Variants in CPQ observed in about 807,000 individuals in gnomAD.
The protein encoded by CPQ is carboxypeptidase Q.
In CPQ, 37 loss-of-function variants were observed where a neutral mutation model predicts 45.7. The observed-to-expected ratio is 0.81, with a 90% CI of 0.62 to 1.07. The LOEUF (loss-of-function observed/expected upper bound fraction) is 1.07. CPQ is among the 50% of genes least tolerant of loss of function. The probability of loss-of-function intolerance (pLI) is 0.00; values close to 1 mark genes in which losing one functional copy is unlikely to be tolerated. For synonymous variants in CPQ, 186 were observed against 205.8 expected (o/e 0.90, Z 0.82); for missense variants, 537 against 572.9 (o/e 0.94, Z 0.64).
intron 6 of CPQ, among the ~76,000 whole-genome samples, chr8:97,064,514 A>G (rs976521899): frequency 6.6e-5 from 10 of 152,208 alleles, no homozygotes; most frequent in African/African-American, 1.2e-4. Flanking sequence ...GAAAATCACC[A>G]TGAAGACAAG....
chr8:97,108,183 T>G (rs943572742), intron 7 of CPQ, among the ~76,000 whole-genome samples: 1 of 152,236 alleles, frequency 6.6e-6, no homozygotes. Context: ...TTTTTAAGTA[T>G]ATAAAGTACT....
At chr8:96,649,978 T>A (rs528134053) in intron 1 of CPQ, among the ~76,000 whole-genome samples, 1 of 152,228 alleles carries the variant, frequency 6.6e-6, no homozygotes, top group African/African-American at 2.4e-5. Flanking sequence ...GGAACAAAGA[T>A]AAGGAAATGG....
intron 5 of CPQ, among the ~76,000 whole-genome samples, chr8:97,014,259 T>A (rs915385084): frequency 1.3e-5 from 2 of 152,190 alleles, no homozygotes; most frequent in African/African-American, 2.4e-5. Flanking sequence ...ATTTGCATGG[T>A]GAGATTTTCC....
At chr8:96,957,286 TA>T (rs1282571742) in intron 4 of CPQ, among the ~76,000 whole-genome samples, 4 of 152,146 alleles carry the variant, frequency 2.6e-5, no homozygotes, top group African/African-American at 7.2e-5. Context: ...AACTTTCATT[TA>T]AACTGCACAG....
intron 1 of CPQ, among the ~76,000 whole-genome samples, chr8:96,745,627 C>T (rs963309145): frequency 6.6e-6 from 1 of 152,156 alleles, no homozygotes; most frequent in Non-Finnish European, 1.5e-5. Context: ...AAAGAAGATA[C>T]TTGAAGTCAA....
intron 6 of CPQ, among the ~76,000 whole-genome samples, chr8:97,045,297 C>T (rs189425645): frequency 3.9e-4 from 60 of 152,310 alleles, no homozygotes; most frequent in Non-Finnish European, 6.8e-4. Flanking sequence ...AAGCCATGTG[C>T]GGGATATAAT....
chr8:96,946,455 A>T (rs1813189803), intron 4 of CPQ, among the ~76,000 whole-genome samples: 1 of 151,586 alleles, frequency 6.6e-6, no homozygotes, highest in Non-Finnish European at 1.5e-5. Flanking sequence ...TTAATTTTCT[A>T]TTTTTTTATT....
intron 1 of CPQ, among the ~76,000 whole-genome samples, chr8:96,749,374 C>G (rs1810230489): frequency 1.3e-5 from 2 of 152,154 alleles, no homozygotes; most frequent in South Asian, 4.1e-4. Context: ...GTGATGATGG[C>G]TGTTTGAAAA....
chr8:96,905,647 A>C (rs1361907090), intron 4 of CPQ, among the ~76,000 whole-genome samples: 2 of 152,004 alleles, frequency 1.3e-5, no homozygotes, highest in African/African-American at 4.8e-5. Context: ...TCTCCCAGCT[A>C]AGAAAAGCTT....
intron 4 of CPQ, among the ~76,000 whole-genome samples, chr8:96,891,463 T>C (rs770041700): frequency 6.6e-6 from 1 of 152,176 alleles, no homozygotes; most frequent in South Asian, 2.1e-4. Context: ...TGGAAGCCCA[T>C]GTTGCTGAGC....
chr8:97,073,975 C>T (rs968113630), intron 7 of CPQ, among the ~76,000 whole-genome samples: 3 of 152,192 alleles, frequency 2.0e-5, no homozygotes, highest in Non-Finnish European at 4.4e-5. Flanking sequence ...GCTCTTCCCT[C>T]TTGCAGTAGA....
intron 6 of CPQ, among the ~76,000 whole-genome samples, chr8:97,036,652 C>T (rs983108872): frequency 1.3e-5 from 2 of 152,124 alleles, no homozygotes; most frequent in African/African-American, 4.8e-5. Flanking sequence ...TTTCTCATGT[C>T]CTGAAATGGA....
At chr8:97,037,599 G>A (rs1161390692) in intron 6 of CPQ, among the ~76,000 whole-genome samples, 2 of 152,092 alleles carry the variant, frequency 1.3e-5, no homozygotes, top group African/African-American at 4.8e-5. Flanking sequence ...TTGTCTCAGT[G>A]TTTTCTTGGT....
chr8:96,965,969 A>T lies in CPQ; in HGVS notation c.884A>T (p.Asp295Val). 1 of 1,613,876 alleles carries T rather than the reference A, an allele frequency of 6.2e-7. No homozygotes were observed. Among genetic ancestry groups the T allele is most frequent in the Non-Finnish European group, 8.5e-7 (1 of 1,179,918 alleles). ...VLVSGHLDSW[D>V]VGQGAMDDGG... ...GTCAGTGGACATCTGGACAGCTGGG[A>T]TGTTGGGCAGGGTGCCATGGATGAT... is the stretch of plus-strand genomic sequence containing the variant. The change falls in exon 5 of 8, where the codon GAT becomes GTT. Residue 295 changes from aspartate (D) to valine (V), a missense_variant. Transcript: ENST00000220763.
At chr8:96,787,570 C>T (rs1810788309) in intron 2 of CPQ, among the ~76,000 whole-genome samples, 1 of 78,542 alleles carries the variant, frequency 1.3e-5, no homozygotes, top group African/African-American at 4.4e-5. Flanking sequence ...CAGAGTAAGA[C>T]TGGCCTCATG....
chr8:96,735,515 A>G (rs1156441578), intron 1 of CPQ, among the ~76,000 whole-genome samples: 1 of 152,264 alleles, frequency 6.6e-6, no homozygotes, highest in East Asian at 1.9e-4. Context: ...AGGATGTGGA[A>G]CAAAGTAATT....
At chr8:96,710,663 C>T (rs1809595638) in intron 1 of CPQ, among the ~76,000 whole-genome samples, 1 of 152,164 alleles carries the variant, frequency 6.6e-6, no homozygotes, top group Non-Finnish European at 1.5e-5. Flanking sequence ...TTTGAGGGTT[C>T]CATTTGAAGT....
chr8:96,831,816 T>C (rs1251323915), intron 2 of CPQ, among the ~76,000 whole-genome samples: 1 of 152,114 alleles, frequency 6.6e-6, no homozygotes, highest in Non-Finnish European at 1.5e-5. Context: ...GTTTGTCCTA[T>C]GCAATGGCCT....
At chr8:96,758,026 G>A (rs1007036382) in intron 1 of CPQ, among the ~76,000 whole-genome samples, 3 of 152,186 alleles carry the variant, frequency 2.0e-5, no homozygotes, top group African/African-American at 7.2e-5. Context: ...GGATTTAGGT[G>A]AATTAATACA....
Sources: allele counts gnomAD v4.1 joint callset (sites outside exome capture counted in the v4.1 genomes callset), GRCh38; gene constraint gnomAD v4.1.1; transcripts MANE v1.5; gene names NCBI Gene and HGNC (gene_info 2026-07-23, HGNC 2026-07-21).